KCNU1: variants seen among roughly 807,000 people sequenced by gnomAD.
KCNU1 encodes the protein potassium channel subfamily U member 1.
KCNU1 carries 93 observed loss-of-function variants against 126.8 expected under a neutral mutation model. That is an observed-to-expected ratio of 0.73 (90% CI 0.62 to 0.87). The LOEUF is 0.87. Ranked by LOEUF, KCNU1 falls within the 40% of genes least tolerant of loss-of-function variation. The pLI, the probability that KCNU1 is intolerant of heterozygous loss-of-function variation, is 0.00. For missense variants in KCNU1, 1,330 were observed against 1,367.1 expected, an observed-to-expected ratio of 0.97 and a Z score of 0.43; for synonymous variants, 523 against 494.2, an observed-to-expected ratio of 1.06 and a Z score of -0.77.
At chr8:36,926,939 G>A (rs80015754) in intron 24 of KCNU1, among the ~76,000 whole-genome samples, 1 of 152,168 alleles carries the variant, frequency 6.6e-6, no homozygotes, top group African/African-American at 2.4e-5. Flanking sequence ...GAAACAAGAT[G>A]AGAACACCAG....
rs2117588799 is a variant in KCNU1, at chr8:36,922,754, A to T, written c.2736+125A>T. The T allele has an allele frequency of 9.0e-6, 9 of 999,770 alleles. No homozygotes were observed. The South Asian group carries it at 1.6e-4, about 17-fold the overall frequency. The allele number at this position is 999,770 out of a possible 1,614,324, so 61.9% of individuals were successfully genotyped here. A position where few individuals can be genotyped will look rare whatever the true frequency, so the allele number is the denominator to read the frequency against. On this transcript the variant is annotated intron_variant, in intron 24 of 26. Coordinates refer to ENST00000399881, the MANE Select transcript of KCNU1 (RefSeq NM_001031836.3). ...AAGTTCTCTTTGATTTTCAAAAACAAGCTTGTTCCCATACATTAATTTATC... is the reference window on the plus strand; with the variant it reads ...AAGTTCTCTTTGATTTTCAAAAACATGCTTGTTCCCATACATTAATTTATC...
At chr8:36,797,708 T>C (rs975444557) in intron 2 of KCNU1, among the ~76,000 whole-genome samples, 2 of 152,250 alleles carry the variant, frequency 1.3e-5, no homozygotes, top group South Asian at 2.1e-4. Context: ...TCTGAATCTT[T>C]GAGTGTCCAA....
At chr8:36,932,108 G>T (rs79188110) in intron 25 of KCNU1, among the ~76,000 whole-genome samples, 1 of 152,126 alleles carries the variant, frequency 6.6e-6, no homozygotes, top group African/African-American at 2.4e-5. Flanking sequence ...GTCAATGTGT[G>T]CTGCCAAAAG....
intron 19 of KCNU1, among the ~76,000 whole-genome samples, chr8:36,891,395 C>T (rs7002582): frequency 0.016 from 2,417 of 152,028 alleles, 68 homozygotes; most frequent in African/African-American, 0.055. Context: ...CAACACAATC[C>T]TATAACTGCT....
intron 19 of KCNU1, among the ~76,000 whole-genome samples, chr8:36,876,444 A>C (rs925398875): frequency 2.0e-5 from 3 of 152,220 alleles, no homozygotes; most frequent in African/African-American, 7.2e-5. Context: ...CAGAAGAAAC[A>C]TGTTTGTATA....
chr8:36,832,386 C>T (rs1407226760), intron 10 of KCNU1, among the ~76,000 whole-genome samples: 1 of 152,132 alleles, frequency 6.6e-6, no homozygotes, highest in African/African-American at 2.4e-5. Flanking sequence ...TTCTTCCTAC[C>T]CATGAGCATG....
rs371631662 is a variant in KCNU1, at chr8:36,814,352, T to A, written c.878T>A (p.Ile293Asn). Residue 293 changes from isoleucine (I) to asparagine (N), a missense_variant, in exon 8 of 27, where the codon ATC becomes AAC. Physicochemically the swap from Ile to Asn is moderately radical, Grantham distance 149 (BLOSUM62 -3). Transcript: ENST00000399881. Reference protein sequence around the residue: ...VAKTSLGRTFIMFFTLGSLIL... With the variant: ...VAKTSLGRTFNMFFTLGSLIL... ...AAGACATCCTTAGGACGGACCTTCATCATGTTCTTCACACTGGGGAGTTTG... is the reference window on the plus strand; with the variant it reads ...AAGACATCCTTAGGACGGACCTTCAACATGTTCTTCACACTGGGGAGTTTG... 1.6e-5 allele frequency: 25 copies of A among 1,611,738 alleles called. No individual in the cohort carries two copies. The highest frequency in any genetic ancestry group is 3.3e-5 in the Admixed American group (2 of 59,842).
intron 22 of KCNU1, among the ~76,000 whole-genome samples, chr8:36,916,782 T>C (rs913413422): frequency 6.6e-6 from 1 of 152,190 alleles, no homozygotes; most frequent in Non-Finnish European, 1.5e-5. Flanking sequence ...TCACTGATGG[T>C]TCTAGACATA....
chr8:36,870,905 C>G (rs571021368), intron 19 of KCNU1, among the ~76,000 whole-genome samples: 1 of 152,214 alleles, frequency 6.6e-6, no homozygotes, highest in South Asian at 2.1e-4. Flanking sequence ...TACCTTTCCC[C>G]AAGAGTCCCA....
intron 2 of KCNU1, among the ~76,000 whole-genome samples, chr8:36,792,485 T>C (rs1460939504): frequency 6.6e-6 from 1 of 152,210 alleles, no homozygotes; most frequent in East Asian, 1.9e-4. Context: ...AACAGGTTTC[T>C]GAAGGGTCAG....
chr8:36,907,311 G>C (rs143439895), intron 20 of KCNU1, among the ~76,000 whole-genome samples: 1 of 152,198 alleles, frequency 6.6e-6, no homozygotes, highest in Non-Finnish European at 1.5e-5. Context: ...TCTTAATCAG[G>C]AGACAGTTTA....
chr8:36,872,786 T>C (rs893301557), intron 19 of KCNU1, among the ~76,000 whole-genome samples: 4 of 152,058 alleles, frequency 2.6e-5, no homozygotes, highest in Admixed American at 6.6e-5. Flanking sequence ...ACAGTTTGAG[T>C]AGGTAAGACA....
At chr8:36,879,217 A>ATG (rs1457478769) in intron 19 of KCNU1, among the ~76,000 whole-genome samples, 4 of 140,114 alleles carry the variant, frequency 2.9e-5, no homozygotes, top group South Asian at 4.5e-4. Flanking sequence ...GTGTGTATAT[A>ATG]TATATATATA....
At chr8:36,852,485 G>A (rs925748105) in intron 18 of KCNU1, among the ~76,000 whole-genome samples, 3 of 152,094 alleles carry the variant, frequency 2.0e-5, no homozygotes, top group Admixed American at 6.6e-5. Context: ...TACTTGTGAA[G>A]CAATCAGGGC....
At chr8:36,853,696 A>G (rs1805432031) in intron 18 of KCNU1, among the ~76,000 whole-genome samples, 1 of 152,170 alleles carries the variant, frequency 6.6e-6, no homozygotes, top group Non-Finnish European at 1.5e-5. Flanking sequence ...AGACTATTCA[A>G]TGTATACTTG....
chr8:36,844,489 C>CA (rs1286276986), intron 16 of KCNU1, among the ~76,000 whole-genome samples: 2 of 152,160 alleles, frequency 1.3e-5, no homozygotes, highest in African/African-American at 4.8e-5. Flanking sequence ...ATTTTCCTTC[C>CA]AAAGTTAAAA....
chr8:36,795,135 A>G (rs139936941), intron 2 of KCNU1: 2 of 152,348 alleles, frequency 1.3e-5, no homozygotes, highest in East Asian at 1.9e-4. Flanking sequence ...ACATTGCTCA[A>G]TGGTTCTTGT....
chr8:36,907,553 T>C (rs1229302845), intron 20 of KCNU1, among the ~76,000 whole-genome samples: 2 of 152,198 alleles, frequency 1.3e-5, no homozygotes, highest in African/African-American at 2.4e-5. Flanking sequence ...AGGAAGGCTC[T>C]CCAGACAAGT....
chr8:36,925,218 G>A (rs1808493683), intron 24 of KCNU1, among the ~76,000 whole-genome samples: 1 of 152,146 alleles, frequency 6.6e-6, no homozygotes, highest in African/African-American at 2.4e-5. Context: ...TAAAAGTGAG[G>A]TCATTGCATG....
Sources: gnomAD v4.1 joint callset for allele counts (sites outside exome capture counted in the v4.1 genomes callset) on GRCh38, gnomAD v4.1.1 for gene constraint, MANE v1.5 for transcripts, NCBI Gene and HGNC (gene_info 2026-07-23, HGNC 2026-07-21) for gene names.